The following AXDND1 variants were observed in gnomAD, a reference collection of about 807,000 sequenced individuals.
AXDND1 encodes the protein axonemal dynein light chain domain-containing protein 1.
Under a neutral mutation model 137.5 loss-of-function variants are expected in AXDND1, and 110 were observed. The ratio of observed to expected loss-of-function variants is 0.80; its 90% CI spans 0.69 to 0.94. AXDND1 has a LOEUF of 0.94. Among genes scored for constraint, AXDND1 ranks in the 40% least tolerant of loss-of-function variants. The probability of loss-of-function intolerance (pLI) is 0.00; values close to 1 mark genes in which losing one functional copy is unlikely to be tolerated. For missense variants in AXDND1, 1,191 were observed against 1,169.8 expected (o/e 1.02, Z -0.26); for synonymous variants, 414 against 399.7 (o/e 1.04, Z -0.43).
intron 21 of AXDND1, among the ~76,000 whole-genome samples, chr1:179,521,149 G>A (rs879418604): frequency 1.3e-5 from 2 of 151,938 alleles, no homozygotes; most frequent in Non-Finnish European, 2.9e-5. Context: ...CGCAGAGACA[G>A]GGTCTTGCTA....
intron 12 of AXDND1, among the ~76,000 whole-genome samples, chr1:179,422,311 T>C (rs566983367): frequency 1.0e-3 from 157 of 152,290 alleles, no homozygotes; most frequent in Non-Finnish European, 1.7e-3. Flanking sequence ...CTGTATCCCA[T>C]AGATTTTTGT....
chr1:179,470,855 C>T (rs1049753946), intron 17 of AXDND1, among the ~76,000 whole-genome samples: 2 of 152,116 alleles, frequency 1.3e-5, no homozygotes, highest in African/African-American at 4.8e-5. Flanking sequence ...TCCAGTCTTT[C>T]ACTATTAAGT....
At chr1:179,506,635 T>A (rs1166229837) in intron 20 of AXDND1, among the ~76,000 whole-genome samples, 1 of 151,988 alleles carries the variant, frequency 6.6e-6, no homozygotes, top group Admixed American at 6.6e-5. Context: ...GAGGCTAAGG[T>A]AGGAGGATCA....
chr1:179,515,045 G>A (rs904678195), intron 21 of AXDND1, among the ~76,000 whole-genome samples: 1 of 152,148 alleles, frequency 6.6e-6, no homozygotes, highest in African/African-American at 2.4e-5. Flanking sequence ...GAGCATTTAA[G>A]CCATTTACAT....
intron 4 of AXDND1, among the ~76,000 whole-genome samples, chr1:179,371,202 C>G (rs1310116031): frequency 1.3e-5 from 2 of 152,024 alleles, no homozygotes; most frequent in Non-Finnish European, 2.9e-5. Context: ...CCGAGGTGGG[C>G]AGATCATTTG....
intron 12 of AXDND1, among the ~76,000 whole-genome samples, chr1:179,421,367 C>CT (rs199703017): frequency 0.011 from 1,198 of 107,044 alleles, 72 homozygotes; most frequent in African/African-American, 0.018. Context: ...TTTTCTTTTC[C>CT]TTTTTTTTTT....
intron 11 of AXDND1, among the ~76,000 whole-genome samples, chr1:179,406,844 C>G (rs12741747): frequency 0.29 from 44,411 of 151,894 alleles, 6,696 homozygotes; most frequent in Non-Finnish European, 0.31. Flanking sequence ...GAATTTAATT[C>G]TTTTATATTC....
intron 18 of AXDND1, among the ~76,000 whole-genome samples, chr1:179,487,308 G>T (rs201711863): frequency 6.8e-6 from 1 of 148,064 alleles, no homozygotes; most frequent in South Asian, 2.1e-4. Flanking sequence ...GCCACTAAAC[G>T]TTTTTTATTA....
At chr1:179,398,603 C>T (rs1651440903) in intron 11 of AXDND1, among the ~76,000 whole-genome samples, 1 of 151,342 alleles carries the variant, frequency 6.6e-6, no homozygotes, top group Admixed American at 6.6e-5. Flanking sequence ...GTTGGGGGGC[C>T]CCTGCTGGCA....
intron 6 of AXDND1, among the ~76,000 whole-genome samples, 162 bp from the exon 7 acceptor site, chr1:179,382,538 C>T (rs891897304): frequency 2.6e-5 from 4 of 152,158 alleles, no homozygotes; most frequent in African/African-American, 9.7e-5. Flanking sequence ...TTTTCCAACT[C>T]CAGCCCTGGA....
chr1:179,401,764 A>G (rs1323019559), intron 11 of AXDND1, among the ~76,000 whole-genome samples: 1 of 151,920 alleles, frequency 6.6e-6, no homozygotes, highest in Non-Finnish European at 1.5e-5. Context: ...CTTGGCTTTC[A>G]TTCTCTCTTT....
intron 16 of AXDND1, among the ~76,000 whole-genome samples, chr1:179,466,968 C>T (rs1663282756): frequency 6.6e-6 from 1 of 152,104 alleles, no homozygotes; most frequent in African/African-American, 2.4e-5. Context: ...TGTAATGCTT[C>T]AGAGAATTAG....
rs559875521 is a variant in AXDND1 at position 179,389,752 on chromosome 1, G to T, written c.864-4151G>T. Among the ~76,000 whole-genome samples the T allele has an allele frequency of 3.9e-5, 6 of 152,236 alleles. No homozygotes were observed. In the South Asian group the frequency reaches 1.2e-3, roughly 32 times the overall value. On this transcript the variant is annotated intron_variant, in intron 9 of 25. Transcript: ENST00000367618. ...GCTTTGAAAAGTGTGTTCTCTTATG[G>T]ATCTAGTTGGATTGTAATGGGAAGG... is the stretch of plus-strand genomic sequence containing the variant.
At chr1:179,431,221 T>C (rs1056935621) in intron 14 of AXDND1, among the ~76,000 whole-genome samples, 5 of 152,116 alleles carry the variant, frequency 3.3e-5, no homozygotes, top group African/African-American at 1.2e-4. Flanking sequence ...GGCTCACTGC[T>C]GCCTCCATCT....
intron 15 of AXDND1, among the ~76,000 whole-genome samples, chr1:179,442,548 T>G (rs1053282237): frequency 6.6e-6 from 1 of 152,198 alleles, no homozygotes; most frequent in African/African-American, 2.4e-5. Context: ...CTGAGGACCA[T>G]TTCGTTTCAA....
At position 179,395,312 on chromosome 1, in the gene AXDND1, A is replaced by C. The variant is rs575552414; in HGVS notation, c.1109+110A>C. The C allele has an allele frequency of 7.7e-6, 6 of 783,354 alleles. No homozygotes were observed. In the East Asian group the frequency reaches 1.6e-4, roughly 21 times the overall value. 48.5% of individuals were successfully genotyped at this position (783,354 alleles called of 1,614,324 possible). On this transcript the variant is annotated intron_variant, in intron 11 of 25. Coordinates refer to ENST00000367618, the MANE Select transcript of AXDND1 (RefSeq NM_144696.6). ...AACTTCTTGAATTCTAAAATCACAT[A>C]TAGATAGCTTACTTTATCTGAATTT...
Position 179,483,123 on chromosome 1 carries a change from T to G in AXDND1, c.1998-5T>G, listed in dbSNP as rs760093133. 1.3e-6 allele frequency: 2 copies of G among 1,565,696 alleles called. No individual in the cohort carries two copies. ...CACTTTTATTTTACTTGATTTTTCC[T>G]TCAGGGTACTCCAAGCGTATATATT... On this transcript the variant is annotated splice_region_variant and splice_polypyrimidine_tract_variant and intron_variant, in intron 17 of 25. Coordinates refer to ENST00000367618, the MANE Select transcript of AXDND1 (RefSeq NM_144696.6).
intron 12 of AXDND1, among the ~76,000 whole-genome samples, chr1:179,421,096 T>TTCCTTC (rs1655639090): frequency 7.8e-6 from 1 of 128,380 alleles, no homozygotes; most frequent in East Asian, 2.3e-4. Flanking sequence ...TTCCTTCCTT[T>TTCCTTC]CTTCCTTCTT....
At chr1:179,521,925 T>C (rs1670099575) in intron 21 of AXDND1, among the ~76,000 whole-genome samples, 1 of 152,162 alleles carries the variant, frequency 6.6e-6, no homozygotes, top group African/African-American at 2.4e-5. Context: ...CTCTTCTCTC[T>C]ATTTTTAAGG....
Sources: gnomAD v4.1 joint callset for allele counts (sites outside exome capture counted in the v4.1 genomes callset) on GRCh38, gnomAD v4.1.1 for gene constraint, MANE v1.5 for transcripts, NCBI Gene and HGNC (gene_info 2026-07-23, HGNC 2026-07-21) for gene names.